RGCC: variants seen among roughly 807,000 people sequenced by gnomAD.
RGCC encodes regulator of cell cycle.
Under a neutral mutation model 15.4 loss-of-function variants are expected in RGCC, and 15 were observed. The ratio of observed to expected loss-of-function variants is 0.97; its 90% CI spans 0.65 to 1.50. RGCC has a LOEUF of 1.50. Among genes scored for constraint, RGCC ranks in the 40% most tolerant of loss-of-function variants. The pLI is 0.00. For synonymous variants in RGCC, 81 were observed against 78.0 expected (o/e 1.04, Z -0.20); for missense variants, 176 against 189.7 (o/e 0.93, Z 0.42).
chr13:41,457,831 C>T lies in RGCC; in HGVS notation c.49+75C>T. The T allele has an allele frequency of 7.4e-7, 1 of 1,347,360 alleles. No individual in the cohort carries two copies. The allele number at this position is 1,347,360 out of a possible 1,614,324, so 83.5% of individuals were successfully genotyped here. On this transcript the variant is annotated intron_variant, in intron 1 of 4. Coordinates refer to ENST00000379359, the MANE Select transcript of RGCC (RefSeq NM_014059.3). This position sits in a 1 kb window ranked among gnomAD's most constrained non-coding sequence, Gnocchi z 4.9. ...GGGTGAGAAAGGAGGGGCCCCGTGT[C>T]GTCCCTTCACACCCCCCACCCTTCC...
intron 2 of RGCC, 77 bp from the exon 3 acceptor site, chr13:41,466,746 T>C: frequency 9.8e-7 from 1 of 1,022,232 alleles, no homozygotes; most frequent in South Asian, 1.4e-5. Flanking sequence ...AATTGTTGGT[T>C]ATCAATAGAC....
Position 41,470,821 on chromosome 13 carries a change from A to C in RGCC, c.*336A>C. 1 of 209,916 alleles carries C rather than the reference A, an allele frequency of 4.8e-6. No individual in the cohort carries two copies. Among genetic ancestry groups the C allele is most frequent in the Non-Finnish European group, 9.4e-6 (1 of 106,662 alleles). The allele number at this position is 209,916 out of a possible 1,614,324, so 13.0% of individuals were successfully genotyped here. On this transcript the variant is annotated 3_prime_UTR_variant, in exon 5 of 5. Transcript: ENST00000379359. ...ATTATATATAGTTGGAAATAGCAGT[A>C]AGCTTTCCCATTATAATATATTTTT...
At position 41,459,449 on chromosome 13, in the gene RGCC, G is replaced by C. The variant is rs566164795; in HGVS notation, c.235+979G>C. 1.4e-4 allele frequency among the ~76,000 whole-genome samples: 22 copies of C among 152,296 alleles called. 1 individual carries two copies. In the South Asian group the frequency reaches 4.3e-3, roughly 30 times the overall value. ...GACGTGAAAGTAATGGCCTTTCCGT[G>C]TGATTCTCTTATTTTGAAACCTGGA... On this transcript the variant is annotated intron_variant, in intron 2 of 4. Coordinates refer to ENST00000379359, the MANE Select transcript of RGCC (RefSeq NM_014059.3).
intron 2 of RGCC, among the ~76,000 whole-genome samples, chr13:41,462,301 TA>T (rs1204425880): frequency 6.6e-6 from 1 of 152,070 alleles, no homozygotes; most frequent in Non-Finnish European, 1.5e-5. Context: ...CCCCCCTAGC[TA>T]AAAAAACACA....
intron 3 of RGCC, among the ~76,000 whole-genome samples, chr13:41,467,600 T>A (rs1036314593): frequency 3.9e-5 from 6 of 152,370 alleles, no homozygotes; most frequent in African/African-American, 1.4e-4. Flanking sequence ...AAAGTTATAC[T>A]TGCTGAAAAT....
At chr13:41,464,693 C>G (rs2043839012) in intron 2 of RGCC, among the ~76,000 whole-genome samples, 1 of 152,152 alleles carries the variant, frequency 6.6e-6, no homozygotes, top group African/African-American at 2.4e-5. Flanking sequence ...TGTACCTGAT[C>G]ACACAGCCCT....
Position 41,458,768 on chromosome 13 carries a change from C to G in RGCC, c.235+298C>G, listed in dbSNP as rs2043806953. ...TGCACCAGGCCTTTCCGCAGTTTCCCTCCTCTTCTCCTTTCCGTGCCTCTC... is the reference window on the plus strand; with the variant it reads ...TGCACCAGGCCTTTCCGCAGTTTCCGTCCTCTTCTCCTTTCCGTGCCTCTC... On this transcript the variant is annotated intron_variant, in intron 2 of 4. Coordinates refer to ENST00000379359, the MANE Select transcript of RGCC (RefSeq NM_014059.3). The surrounding 1 kb of genome is among the most constrained non-coding windows in gnomAD (Gnocchi z 4.4). 6.6e-6 allele frequency among the ~76,000 whole-genome samples: 1 copy of G among 152,168 alleles called. No individual in the cohort carries two copies.
intron 2 of RGCC, among the ~76,000 whole-genome samples, chr13:41,462,233 T>C (rs897383285): frequency 8.5e-5 from 13 of 152,184 alleles, no homozygotes; most frequent in African/African-American, 3.1e-4. Flanking sequence ...TCTGTGGTTT[T>C]ACTTCCCCCT....
At chr13:41,469,316 G>GAAT (rs990297749) in intron 4 of RGCC, among the ~76,000 whole-genome samples, 1 of 150,802 alleles carries the variant, frequency 6.6e-6, no homozygotes, top group African/African-American at 2.4e-5. Context: ...AGAAGAAGAA[G>GAAT]AAGAAGAAGA....
At chr13:41,464,778 C>T (rs1333565563) in intron 2 of RGCC, among the ~76,000 whole-genome samples, 4 of 152,148 alleles carry the variant, frequency 2.6e-5, no homozygotes, top group African/African-American at 9.7e-5. Context: ...GATCTCAGTC[C>T]ATGTTCATCC....
intron 2 of RGCC, among the ~76,000 whole-genome samples, chr13:41,465,587 T>G (rs989770921): frequency 1.3e-5 from 2 of 152,176 alleles, no homozygotes; most frequent in African/African-American, 4.8e-5. Flanking sequence ...ACTTAGTAGT[T>G]GACTGGATGG....
chr13:41,463,701 C>T (rs1274487209), intron 2 of RGCC, among the ~76,000 whole-genome samples: 1 of 152,056 alleles, frequency 6.6e-6, no homozygotes, highest in African/African-American at 2.4e-5. Flanking sequence ...GGCATTTAGC[C>T]TGTGAACCTA....
rs2043807071 is a variant in RGCC, at chr13:41,458,785, G to A, written c.235+315G>A. 6.6e-6 allele frequency among the ~76,000 whole-genome samples: 1 copy of A among 152,024 alleles called. No homozygotes were observed. Among genetic ancestry groups the A allele is most frequent in the Admixed American group, 6.6e-5 (1 of 15,264 alleles). On this transcript the variant is annotated intron_variant, in intron 2 of 4. Transcript: ENST00000379359. This position sits in a 1 kb window ranked among gnomAD's most constrained non-coding sequence, Gnocchi z 4.4. ...CAGTTTCCCTCCTCTTCTCCTTTCCGTGCCTCTCCCCTCTCAGCTGTAACT... is the reference window on the plus strand; with the variant it reads ...CAGTTTCCCTCCTCTTCTCCTTTCCATGCCTCTCCCCTCTCAGCTGTAACT...
chr13:41,458,497 G>T lies in RGCC; in HGVS notation c.235+27G>T, dbSNP rs768265701. 4.4e-6 allele frequency: 7 copies of T among 1,575,980 alleles called. No homozygotes were observed. The South Asian group carries it at 6.9e-5, about 15-fold the overall frequency. On this transcript the variant is annotated intron_variant, in intron 2 of 4. Transcript: ENST00000379359. This position sits in a 1 kb window ranked among gnomAD's most constrained non-coding sequence, Gnocchi z 4.4. ...TAAGTGCGGCCCCCGCTAGGATGGC[G>T]CCGGGATCTCCCAGCTCCCAGGACC...
Position 41,470,683 on chromosome 13 carries a change from T to C in RGCC, c.*198T>C. 3.4e-6 allele frequency: 2 copies of C among 593,776 alleles called. No homozygotes were observed. The highest frequency in any genetic ancestry group is 6.0e-6 in the Non-Finnish European group (2 of 332,388). The allele number at this position is 593,776 out of a possible 1,614,324, so 36.8% of individuals were successfully genotyped here. ...GCAATTTAGACAGTGAAACTGACTT[T>C]GTTTACCTGCTTGCAGCATATTAGA... On this transcript the variant is annotated 3_prime_UTR_variant, in exon 5 of 5. Coordinates refer to ENST00000379359, the MANE Select transcript of RGCC (RefSeq NM_014059.3).
rs2043798726 is a variant in RGCC, at chr13:41,457,626, G to T, written c.-82G>T. The T allele has an allele frequency of 1.3e-6, 2 of 1,492,102 alleles. No homozygotes were observed. The highest frequency in any genetic ancestry group is 1.8e-6 in the Non-Finnish European group (2 of 1,123,260). 92.4% of individuals were successfully genotyped at this position (1,492,102 alleles called of 1,614,324 possible). On this transcript the variant is annotated 5_prime_UTR_variant, in exon 1 of 5. Transcript: ENST00000379359. This position sits in a 1 kb window ranked among gnomAD's most constrained non-coding sequence, Gnocchi z 4.9. ...AGGGACTGGCAGGGCTGAAGTGTGC[G>T]GGACAGCAAGCCCCCGAATAGCCCC...
chr13:41,458,186 C>T lies in RGCC; in HGVS notation c.50-99C>T. The T allele has an allele frequency of 1.0e-6, 1 of 1,002,278 alleles. No individual in the cohort carries two copies. The highest frequency in any genetic ancestry group is 1.4e-6 in the Non-Finnish European group (1 of 700,456). The allele number at this position is 1,002,278 out of a possible 1,614,324, so 62.1% of individuals were successfully genotyped here. A position where few individuals can be genotyped will look rare whatever the true frequency, so the allele number is the denominator to read the frequency against. ...GTCACTTGGCAGAGGCGCCAAGTGT[C>T]AGTTATCTTCGGGAACCGTGGCGGC... is the stretch of plus-strand genomic sequence containing the variant. On this transcript the variant is annotated intron_variant, in intron 1 of 4. Coordinates refer to ENST00000379359, the MANE Select transcript of RGCC (RefSeq NM_014059.3). The surrounding 1 kb of genome is among the most constrained non-coding windows in gnomAD (Gnocchi z 4.4).
chr13:41,461,936 T>A (rs2043823167), intron 2 of RGCC, among the ~76,000 whole-genome samples: 1 of 152,156 alleles, frequency 6.6e-6, no homozygotes, highest in Non-Finnish European at 1.5e-5. Flanking sequence ...ATGGATCTTG[T>A]GATGCTTGGC....
chr13:41,464,966 G>A (rs1194686634), intron 2 of RGCC, among the ~76,000 whole-genome samples: 1 of 152,090 alleles, frequency 6.6e-6, no homozygotes, highest in Non-Finnish European at 1.5e-5. Context: ...GAGGGTGGGG[G>A]GAAAGGGAGC....
Sources: gnomAD v4.1 joint callset for allele counts (sites outside exome capture counted in the v4.1 genomes callset) on GRCh38, gnomAD v4.1.1 for gene constraint, Gnocchi (gnomAD v3.1) non-coding constraint, MANE v1.5 for transcripts, NCBI Gene and HGNC (gene_info 2026-07-23, HGNC 2026-07-21) for gene names.